XRCC6: variants seen among roughly 807,000 people sequenced by gnomAD.
The protein encoded by XRCC6 is X-ray repair cross complementing 6, also known as DNA repair protein Ku70.
A neutral mutation model predicts 65.7 loss-of-function variants in XRCC6; 5 were observed. The observed-to-expected ratio is 0.08, with a 90% CI of 0.04 to 0.16. The LOEUF (loss-of-function observed/expected upper bound fraction) is 0.16. Ranked by LOEUF, XRCC6 falls within the 10% of genes least tolerant of loss-of-function variation. XRCC6 has a pLI of 1.00. For synonymous variants in XRCC6, 270 were observed against 270.6 expected (o/e 1.00, Z 0.02); for missense variants, 447 against 738.1 (o/e 0.61, Z 4.57).
At chr22:41,631,249 C>T (rs996560851) in intron 3 of XRCC6, among the ~76,000 whole-genome samples, 9 of 147,956 alleles carry the variant, frequency 6.1e-5, no homozygotes, top group Admixed American at 2.7e-4. Flanking sequence ...CCGGATGGGG[C>T]GGCTGGCCTG....
intron 4 of XRCC6, 132 bp downstream of exon 4, chr22:41,636,383 C>A: frequency 6.7e-7 from 1 of 1,484,028 alleles, no homozygotes; most frequent in Non-Finnish European, 9.0e-7. Context: ...GGGGACCTTG[C>A]TCGATGTGGA....
At chr22:41,624,803 C>G (rs2147062807) in intron 2 of XRCC6, among the ~76,000 whole-genome samples, 1 of 150,702 alleles carries the variant, frequency 6.6e-6, no homozygotes, top group South Asian at 2.1e-4. Context: ...CGAGACCATC[C>G]TGGCAAACAC....
intron 3 of XRCC6, among the ~76,000 whole-genome samples, chr22:41,633,156 A>C (rs2067773898): frequency 6.6e-6 from 1 of 152,162 alleles, no homozygotes; most frequent in Non-Finnish European, 1.5e-5. Flanking sequence ...AAAATAAAAT[A>C]ATAGAACTAT....
intron 3 of XRCC6, among the ~76,000 whole-genome samples, chr22:41,631,965 A>G (rs934853003): frequency 6.6e-6 from 1 of 152,126 alleles, no homozygotes; most frequent in African/African-American, 2.4e-5. Flanking sequence ...GTCTCCACCA[A>G]AAAAATACGA....
chr22:41,623,091 A>G (rs1256280565), intron 2 of XRCC6, among the ~76,000 whole-genome samples: 1 of 152,046 alleles, frequency 6.6e-6, no homozygotes, highest in Non-Finnish European at 1.5e-5. Context: ...CTAATGAAAT[A>G]TATATATTTT....
chr22:41,626,678 C>T (rs1446556982), intron 2 of XRCC6, among the ~76,000 whole-genome samples: 1 of 148,562 alleles, frequency 6.7e-6, no homozygotes, highest in Non-Finnish European at 1.5e-5. Flanking sequence ...CACTCTGTCA[C>T]CTAGGCTGGA....
chr22:41,653,770 A>AGT, intron 9 of XRCC6, 80 bp downstream of exon 9: 1 of 1,497,348 alleles, frequency 6.7e-7, no homozygotes, highest in South Asian at 1.3e-5. Context: ...ATGCAGACCT[A>AGT]CTGAATCATA....
chr22:41,622,516 C>T (rs1052992520), intron 2 of XRCC6, among the ~76,000 whole-genome samples: 1 of 152,122 alleles, frequency 6.6e-6, no homozygotes, highest in Non-Finnish European at 1.5e-5. Flanking sequence ...TCACTATAGC[C>T]TCCACGTTTG....
chr22:41,645,660 T>G (rs1474552364), intron 6 of XRCC6, among the ~76,000 whole-genome samples: 1 of 151,572 alleles, frequency 6.6e-6, no homozygotes, highest in Non-Finnish European at 1.5e-5. Context: ...TTTGTTTTGT[T>G]AAGTAACCCT....
At chr22:41,633,195 G>A (rs576217085) in intron 3 of XRCC6, among the ~76,000 whole-genome samples, 1 of 152,264 alleles carries the variant, frequency 6.6e-6, no homozygotes, top group South Asian at 2.1e-4. Flanking sequence ...ATTTAAAGTG[G>A]TTCTCAAACA....
At chr22:41,621,841 C>G (rs1443951172) in intron 1 of XRCC6, 149 bp from the exon 2 acceptor site, 8 of 677,562 alleles carry the variant, frequency 1.2e-5, no homozygotes, top group East Asian at 2.8e-5. Flanking sequence ...TACATGCAGT[C>G]CGACTGCCGA....
At chr22:41,628,270 T>C in intron 3 of XRCC6, 40 bp downstream of exon 3, 1 of 1,554,454 alleles carries the variant, frequency 6.4e-7, no homozygotes, top group Non-Finnish European at 8.8e-7. Context: ...TTAAAAACAG[T>C]ATTGGCTGGG....
intron 2 of XRCC6, among the ~76,000 whole-genome samples, chr22:41,627,261 A>G (rs987218898): frequency 1.3e-5 from 2 of 152,158 alleles, no homozygotes; most frequent in South Asian, 4.1e-4. Flanking sequence ...TGATAAAATT[A>G]TAAAGAAACG....
chr22:41,663,922 AC>A lies in XRCC6; in HGVS notation c.*108del. On this transcript the variant is annotated 3_prime_UTR_variant, in exon 13 of 13. Coordinates refer to ENST00000360079, the MANE Select transcript of XRCC6 (RefSeq NM_001469.5). The stretch of plus-strand genomic sequence containing the variant: ...TCCTGAGCTAGGAAGAGTCTACCCG[AC>A]ATAAGTCGAGGGACTTTATGTTTTT... 1.6e-6 allele frequency: 2 copies of A among 1,230,866 alleles called. No homozygotes were observed. Among genetic ancestry groups the A allele is most frequent in the East Asian group, 5.1e-5 (2 of 39,434 alleles). The allele number at this position is 1,230,866 out of a possible 1,614,324, so 76.2% of individuals were successfully genotyped here. A position where few individuals can be genotyped will look rare whatever the true frequency, so the allele number is the denominator to read the frequency against.
intron 3 of XRCC6, among the ~76,000 whole-genome samples, chr22:41,631,667 C>A (rs1327052310): frequency 1.3e-4 from 18 of 142,546 alleles, no homozygotes; most frequent in South Asian, 4.5e-4. Flanking sequence ...CAGAGGGGCT[C>A]CTCACATCCC....
At chr22:41,646,274 G>A (rs1045289384) in intron 6 of XRCC6, among the ~76,000 whole-genome samples, 1 of 151,658 alleles carries the variant, frequency 6.6e-6, no homozygotes, top group East Asian at 1.9e-4. Context: ...CTGCACTCCA[G>A]CCCAACCAAT....
At chr22:41,656,740 T>C (rs1012795959) in intron 9 of XRCC6, among the ~76,000 whole-genome samples, 163 bp from the exon 10 acceptor site, 2 of 152,138 alleles carry the variant, frequency 1.3e-5, no homozygotes, top group African/African-American at 4.8e-5. Flanking sequence ...AGGGAGTCTG[T>C]TAGGCAGATG....
At position 41,634,817 on chromosome 22, in the gene XRCC6, A is replaced by G. The variant is rs1033388445; in HGVS notation, c.196-1296A>G. ...CTTGGCCTCCCAAAGTGCTGGGATTATAGGCATGAGCCACCGCGCCTGGGT... is the reference window on the plus strand; with the variant it reads ...CTTGGCCTCCCAAAGTGCTGGGATTGTAGGCATGAGCCACCGCGCCTGGGT... On this transcript the variant is annotated intron_variant, in intron 3 of 12. Coordinates refer to ENST00000360079, the MANE Select transcript of XRCC6 (RefSeq NM_001469.5). Among the ~76,000 whole-genome samples, 3 of 152,168 alleles carry G rather than the reference A, an allele frequency of 2.0e-5. No homozygotes were observed. In the East Asian group the frequency reaches 5.8e-4, roughly 29 times the overall value.
intron 9 of XRCC6, among the ~76,000 whole-genome samples, chr22:41,655,684 G>A (rs1006554115): frequency 1.1e-4 from 17 of 149,790 alleles, no homozygotes; most frequent in African/African-American, 4.2e-4. Flanking sequence ...GGGTGACAGA[G>A]CGAGACTCTG....
Sources: allele counts gnomAD v4.1 joint callset (sites outside exome capture counted in the v4.1 genomes callset), GRCh38; gene constraint gnomAD v4.1.1; transcripts MANE v1.5; gene names NCBI Gene and HGNC (gene_info 2026-07-23, HGNC 2026-07-21).